The following GRID2 variants were observed in gnomAD, a reference collection of about 807,000 sequenced individuals.
GRID2 encodes glutamate ionotropic receptor delta type subunit 2, also known as glutamate receptor ionotropic, delta-2.
Under a neutral mutation model 114.8 loss-of-function variants are expected in GRID2, and 33 were observed. That is an observed-to-expected ratio of 0.29 (90% CI 0.22 to 0.38). GRID2 has a LOEUF of 0.38. GRID2 is among the 10% of genes least tolerant of loss of function. The pLI, the probability that GRID2 is intolerant of heterozygous loss-of-function variation, is 1.00. For missense variants in GRID2, 1,184 were observed against 1,257.7 expected, an observed-to-expected ratio of 0.94 and a Z score of 0.89; for synonymous variants, 505 against 449.9, an observed-to-expected ratio of 1.12 and a Z score of -1.55.
At chr4:93,604,020 G>T (rs751877980) in intron 13 of GRID2, among the ~76,000 whole-genome samples, 14 of 152,206 alleles carry the variant, frequency 9.2e-5, no homozygotes, top group Admixed American at 5.9e-4. Context: ...GCAGCCCATA[G>T]ATCAAGAAGT....
At chr4:93,207,802 T>G (rs943035709) in intron 5 of GRID2, among the ~76,000 whole-genome samples, 3 of 151,938 alleles carry the variant, frequency 2.0e-5, no homozygotes, top group African/African-American at 7.2e-5. Context: ...TCCATTTATA[T>G]TTTAATGTTG....
intron 2 of GRID2, among the ~76,000 whole-genome samples, chr4:92,841,587 C>T (rs1742899644): frequency 6.6e-6 from 1 of 151,978 alleles, no homozygotes; most frequent in African/African-American, 2.4e-5. Context: ...ATTCCAGATG[C>T]AGTCCTTTTT....
intron 1 of GRID2, among the ~76,000 whole-genome samples, chr4:92,492,032 G>A (rs1447917049): frequency 7.9e-5 from 12 of 152,078 alleles, no homozygotes; most frequent in South Asian, 4.1e-4. Flanking sequence ...CCCAGAATCC[G>A]AATCTTTAGT....
intron 4 of GRID2, among the ~76,000 whole-genome samples, chr4:93,150,287 C>G (rs1353208717): frequency 6.6e-6 from 1 of 152,084 alleles, no homozygotes; most frequent in African/African-American, 2.4e-5. Flanking sequence ...GTATCAGGCT[C>G]TAGTACAGAA....
At chr4:92,646,736 A>G (rs560994111) in intron 2 of GRID2, among the ~76,000 whole-genome samples, 2 of 152,364 alleles carry the variant, frequency 1.3e-5, no homozygotes, top group African/African-American at 4.8e-5. Context: ...ATCTTCATGA[A>G]CATAAGTATC....
intron 2 of GRID2, 34 bp from the exon 3 acceptor site, chr4:93,084,961 C>G: frequency 6.3e-7 from 1 of 1,581,974 alleles, no homozygotes; most frequent in Non-Finnish European, 8.7e-7. Context: ...GTGAAACCCA[C>G]TGACATTTTG....
rs148112505 is a variant in GRID2, at chr4:93,513,865, A to G, written c.1998-1351A>G. On this transcript the variant is annotated intron_variant, in intron 12 of 15. Coordinates refer to ENST00000282020, the MANE Select transcript of GRID2 (RefSeq NM_001510.4). Reference sequence around the variant, plus strand: ...ACATGATGGAGATTGGTGAACTGCAAGAGTATTCCCAGTGCCTTTGCCCAA... The same window carrying G: ...ACATGATGGAGATTGGTGAACTGCAGGAGTATTCCCAGTGCCTTTGCCCAA... 1.6e-3 allele frequency among the ~76,000 whole-genome samples: 249 copies of G among 152,308 alleles called. 1 individual carries two copies. Among genetic ancestry groups the G allele is most frequent in the African/African-American group, 5.6e-3 (232 of 41,574 alleles).
At chr4:93,327,984 G>A (rs1758020127) in intron 8 of GRID2, among the ~76,000 whole-genome samples, 1 of 151,998 alleles carries the variant, frequency 6.6e-6, no homozygotes, top group African/African-American at 2.4e-5. Context: ...GGTGACTGAA[G>A]AAAACTAACT....
At chr4:93,653,703 G>A (rs1396769473) in intron 14 of GRID2, among the ~76,000 whole-genome samples, 2 of 152,080 alleles carry the variant, frequency 1.3e-5, no homozygotes, top group African/African-American at 4.8e-5. Context: ...CCACTAGTTT[G>A]ACTGTTTAGT....
chr4:92,874,301 T>C (rs1437341006), intron 2 of GRID2, among the ~76,000 whole-genome samples: 1 of 152,184 alleles, frequency 6.6e-6, no homozygotes, highest in Non-Finnish European at 1.5e-5. Context: ...AAGATAGGAC[T>C]GAGTATTTTG....
At chr4:93,196,855 G>T (rs1394243392) in intron 4 of GRID2, among the ~76,000 whole-genome samples, 1 of 152,114 alleles carries the variant, frequency 6.6e-6, no homozygotes, top group Non-Finnish European at 1.5e-5. Flanking sequence ...CTGTTTCTCT[G>T]GTTAAGTGTC....
intron 8 of GRID2, among the ~76,000 whole-genome samples, chr4:93,280,054 A>C (rs1023224306): frequency 6.6e-6 from 1 of 151,934 alleles, no homozygotes; most frequent in Non-Finnish European, 1.5e-5. Flanking sequence ...GCAGAAGTAC[A>C]AGCAAAAAAT....
intron 2 of GRID2, among the ~76,000 whole-genome samples, chr4:92,844,584 G>A (rs190500833): frequency 2.8e-4 from 43 of 151,760 alleles, no homozygotes; most frequent in African/African-American, 1.0e-3. Flanking sequence ...ATATGTGAAT[G>A]GGAACAGTAT....
chr4:92,739,168 G>C (rs1211650538), intron 2 of GRID2, among the ~76,000 whole-genome samples: 1 of 151,864 alleles, frequency 6.6e-6, no homozygotes, highest in African/African-American at 2.4e-5. Context: ...ATCTCCACTG[G>C]CCTTGAGAAG....
At chr4:93,514,641 T>C (rs4560371) in intron 12 of GRID2, among the ~76,000 whole-genome samples, 125,802 of 151,980 alleles carry the variant, frequency 0.83, 52,715 homozygotes, top group African/African-American at 0.96. Context: ...CTCTATAAAA[T>C]GGGTCAAATA....
chr4:93,262,932 A>T (rs935514736), intron 8 of GRID2, among the ~76,000 whole-genome samples: 1 of 151,884 alleles, frequency 6.6e-6, no homozygotes, highest in African/African-American at 2.4e-5. Context: ...CTTTCACCAG[A>T]AGTTATGAAA....
chr4:93,524,823 G>GTATATATA lies in GRID2; in HGVS notation c.2193+9432_2193+9439dup, dbSNP rs1300787035. Among the ~76,000 whole-genome samples the GTATATATA allele has an allele frequency of 3.5e-3, 209 of 59,870 alleles. 2 individuals are homozygous for GTATATATA. Among genetic ancestry groups the GTATATATA allele is most frequent in the Middle Eastern group, 0.013 (1 of 76 alleles). 39.3% of individuals were successfully genotyped at this position (59,870 alleles called of 152,430 possible). ...TATATATATATATATATGTATGTAT[G>GTATATATA]TATATATATATATATATATATATAT... On this transcript the variant is annotated intron_variant, in intron 13 of 15. Coordinates refer to ENST00000282020, the MANE Select transcript of GRID2 (RefSeq NM_001510.4).
intron 2 of GRID2, among the ~76,000 whole-genome samples, chr4:92,643,646 C>A (rs1731471184): frequency 6.6e-6 from 1 of 151,610 alleles, no homozygotes; most frequent in South Asian, 2.1e-4. Flanking sequence ...TAAAAAATTT[C>A]TATATACTGG....
At chr4:93,190,655 A>G (rs1740890956) in intron 4 of GRID2, among the ~76,000 whole-genome samples, 1 of 152,118 alleles carries the variant, frequency 6.6e-6, no homozygotes, top group Non-Finnish European at 1.5e-5. Flanking sequence ...ATTTTTGAAC[A>G]GTGTCAACTT....
Sources: gnomAD v4.1 joint callset for allele counts (sites outside exome capture counted in the v4.1 genomes callset) on GRCh38, gnomAD v4.1.1 for gene constraint, MANE v1.5 for transcripts, NCBI Gene and HGNC (gene_info 2026-07-23, HGNC 2026-07-21) for gene names.